The following RTF1 variants were observed in gnomAD, a reference collection of about 807,000 sequenced individuals.
RTF1 encodes the protein RNA polymerase-associated protein RTF1 homolog.
In RTF1, 10 loss-of-function variants were observed where a neutral mutation model predicts 95.7. The ratio of observed to expected loss-of-function variants is 0.10; its 90% CI spans 0.06 to 0.18. RTF1 has a LOEUF of 0.18. Among genes scored for constraint, RTF1 ranks in the 10% least tolerant of loss-of-function variants. RTF1 has a pLI of 1.00. For missense variants in RTF1, 458 were observed against 875.6 expected (o/e 0.52, Z 6.02); for synonymous variants, 305 against 311.8 (o/e 0.98, Z 0.23).
chr15:41,482,238 TAATC>T lies in RTF1; in HGVS notation c.*1553_*1556del, dbSNP rs1315304280. ...GAAAAGAGATAAACTGACTGCTTGATAATCACTCTCAGGTGTAAAGCTCCAAGTG... is the reference window on the plus strand; with the variant it reads ...GAAAAGAGATAAACTGACTGCTTGATACTCTCAGGTGTAAAGCTCCAAGTG... On this transcript the variant is annotated 3_prime_UTR_variant, in exon 18 of 18. Coordinates refer to ENST00000389629, the MANE Select transcript of RTF1 (RefSeq NM_015138.5). 6 of 152,678 alleles carry T rather than the reference TAATC, an allele frequency of 3.9e-5. No homozygotes were observed. Among genetic ancestry groups the T allele is most frequent in the African/African-American group, 1.4e-4 (6 of 41,462 alleles). 9.5% of individuals were successfully genotyped at this position (152,678 alleles called of 1,614,324 possible).
chr15:41,451,765 C>G (rs1183508544), intron 2 of RTF1, among the ~76,000 whole-genome samples: 1 of 152,146 alleles, frequency 6.6e-6, no homozygotes, highest in Non-Finnish European at 1.5e-5. Flanking sequence ...GAGACCCACC[C>G]CAGAACTAAA....
intron 1 of RTF1, among the ~76,000 whole-genome samples, chr15:41,422,542 A>G (rs919060617): frequency 3.3e-5 from 5 of 152,174 alleles, no homozygotes; most frequent in Non-Finnish European, 7.3e-5. Context: ...ATTCAAGATA[A>G]TAAAGGAACC....
At chr15:41,430,070 C>T (rs1266778789) in intron 1 of RTF1, among the ~76,000 whole-genome samples, 2 of 147,544 alleles carry the variant, frequency 1.4e-5, no homozygotes, top group Non-Finnish European at 3.0e-5. Flanking sequence ...TGCAGTGGCA[C>T]GATATCAGCT....
At chr15:41,476,338 G>A in intron 11 of RTF1, 108 bp from the exon 12 acceptor site, 1 of 814,958 alleles carries the variant, frequency 1.2e-6, no homozygotes, top group Non-Finnish European at 2.1e-6. Context: ...GCTGTAGGAA[G>A]AGCAGCCCCT....
At position 41,480,711 on chromosome 15, in the gene RTF1, A is replaced by G. The variant is rs531704682; in HGVS notation, c.*24A>G. 1.3e-6 allele frequency: 2 copies of G among 1,521,542 alleles called. No individual in the cohort carries two copies. The highest frequency in any genetic ancestry group is 2.7e-5 in the African/African-American group (2 of 73,130). The allele number at this position is 1,521,542 out of a possible 1,614,324, so 94.3% of individuals were successfully genotyped here. On this transcript the variant is annotated 3_prime_UTR_variant, in exon 18 of 18. Transcript: ENST00000389629. Reference sequence around the variant, plus strand: ...GAGCACACCCAGCCTGCTGCTTCTGACCCTGCATGCCCCATCGCAGCGTCC... The same window carrying G: ...GAGCACACCCAGCCTGCTGCTTCTGGCCCTGCATGCCCCATCGCAGCGTCC...
chr15:41,464,700 C>T, intron 4 of RTF1, 71 bp from the exon 5 acceptor site: 1 of 1,322,086 alleles, frequency 7.6e-7, no homozygotes, highest in Non-Finnish European at 1.0e-6. Flanking sequence ...TAGTTCCTTT[C>T]TCCTATCTAA....
chr15:41,451,200 T>G (rs2050788038), intron 2 of RTF1, among the ~76,000 whole-genome samples: 1 of 152,154 alleles, frequency 6.6e-6, no homozygotes, highest in South Asian at 2.1e-4. Context: ...CTTTGTGCCT[T>G]TGTTGGATAT....
At chr15:41,478,917 G>C in intron 15 of RTF1, 186 bp from the exon 16 acceptor site, 2 of 611,004 alleles carry the variant, frequency 3.3e-6, no homozygotes, top group Middle Eastern at 3.8e-4. Flanking sequence ...GGCTGGGCTG[G>C]GCTTGGCTTT....
At chr15:41,462,155 T>A (rs539524066) in intron 4 of RTF1, among the ~76,000 whole-genome samples, 1 of 152,268 alleles carries the variant, frequency 6.6e-6, no homozygotes, top group South Asian at 2.1e-4. Context: ...AGTAGTTCGT[T>A]TGTTTAGCTT....
intron 4 of RTF1, among the ~76,000 whole-genome samples, chr15:41,463,327 T>G (rs2140963423): frequency 6.6e-6 from 1 of 152,346 alleles, no homozygotes; most frequent in Middle Eastern, 3.4e-3. Context: ...TCAGTTCTTT[T>G]GAGTGTATAC....
intron 8 of RTF1, among the ~76,000 whole-genome samples, chr15:41,473,246 G>C (rs1434908194): frequency 3.3e-5 from 5 of 151,852 alleles, no homozygotes; most frequent in Non-Finnish European, 7.4e-5. Context: ...CCATTCTCCT[G>C]CCTCAGCCTC....
chr15:41,477,134 A>G (rs772819269), intron 12 of RTF1, 31 bp from the exon 13 acceptor site: 12 of 1,614,140 alleles, frequency 7.4e-6, no homozygotes, highest in East Asian at 2.2e-5. Flanking sequence ...TATGTAGCCA[A>G]GAACGAACTC....
chr15:41,429,265 G>A (rs762419248), intron 1 of RTF1, among the ~76,000 whole-genome samples: 3 of 152,060 alleles, frequency 2.0e-5, no homozygotes, highest in Non-Finnish European at 4.4e-5. Flanking sequence ...GTAACTTCTC[G>A]GATTTAAAGC....
intron 1 of RTF1, among the ~76,000 whole-genome samples, chr15:41,436,623 CAA>C (rs1217444789): frequency 6.5e-4 from 33 of 50,802 alleles, no homozygotes; most frequent in East Asian, 1.2e-3. Context: ...GACTCTGTCT[CAA>C]AAAAAAAAAA....
At chr15:41,466,306 G>T (rs1160027418) in intron 6 of RTF1, 54 bp downstream of exon 6, 2 of 1,198,862 alleles carry the variant, frequency 1.7e-6, no homozygotes, top group South Asian at 1.6e-5. Flanking sequence ...TTGACTTCCT[G>T]GTGTCCATTT....
At chr15:41,427,342 G>C (rs1291573679) in intron 1 of RTF1, among the ~76,000 whole-genome samples, 1 of 133,278 alleles carries the variant, frequency 7.5e-6, no homozygotes, top group East Asian at 2.3e-4. Flanking sequence ...TAGTAGAGAC[G>C]GGGTTTCACC....
rs1313289688 is a variant in RTF1, at chr15:41,482,255, A to G, written c.*1568A>G. ...CTGCTTGATAATCACTCTCAGGTGT[A>G]AAGCTCCAAGTGTAAATAAAAGTGG... On this transcript the variant is annotated 3_prime_UTR_variant, in exon 18 of 18. Transcript: ENST00000389629. The G allele has an allele frequency of 6.6e-6, 1 of 152,654 alleles. No homozygotes were observed. Among genetic ancestry groups the G allele is most frequent in the Non-Finnish European group, 1.5e-5 (1 of 68,038 alleles). 9.5% of individuals were successfully genotyped at this position (152,654 alleles called of 1,614,324 possible).
At chr15:41,466,385 C>A (rs1049736278) in intron 6 of RTF1, 133 bp downstream of exon 6, 4 of 505,334 alleles carry the variant, frequency 7.9e-6, no homozygotes, top group Non-Finnish European at 1.4e-5. Context: ...GTATAAACAT[C>A]CACAAACCCA....
intron 1 of RTF1, among the ~76,000 whole-genome samples, chr15:41,438,051 T>G (rs2050713987): frequency 6.6e-6 from 1 of 152,160 alleles, no homozygotes; most frequent in Non-Finnish European, 1.5e-5. Flanking sequence ...AGGAACAGTT[T>G]GGGGATAGCC....
Sources: gnomAD v4.1 joint callset for allele counts (sites outside exome capture counted in the v4.1 genomes callset) on GRCh38, gnomAD v4.1.1 for gene constraint, MANE v1.5 for transcripts, NCBI Gene and HGNC (gene_info 2026-07-23, HGNC 2026-07-21) for gene names.